MAGI2: variants seen among roughly 807,000 people sequenced by gnomAD.
MAGI2 encodes the protein membrane associated guanylate kinase, WW and PDZ domain containing 2.
Under a neutral mutation model 133.3 loss-of-function variants are expected in MAGI2, and 35 were observed. That is an observed-to-expected ratio of 0.26 (90% confidence interval 0.20 to 0.35). The LOEUF is 0.35. MAGI2 is among the 10% of genes least tolerant of loss of function. The pLI, the probability that MAGI2 is intolerant of heterozygous loss-of-function variation, is 1.00. For synonymous variants in MAGI2, 729 were observed against 710.6 expected (o/e 1.03, Z -0.41); for missense variants, 1,636 against 1,863.4 (o/e 0.88, Z 2.25).
intron 20 of MAGI2, among the ~76,000 whole-genome samples, chr7:78,119,769 G>A (rs1347027351): frequency 2.0e-5 from 3 of 152,002 alleles, no homozygotes; most frequent in Non-Finnish European, 4.4e-5. Flanking sequence ...TCTCAATTTT[G>A]CTGTGACCCT....
chr7:78,036,431 C>G (rs562629454), intron 21 of MAGI2, among the ~76,000 whole-genome samples: 2 of 152,030 alleles, frequency 1.3e-5, no homozygotes, highest in East Asian at 3.9e-4. Flanking sequence ...GGTAAAAAAA[C>G]CAGCTAACAT....
At chr7:78,213,271 A>G (rs972258133) in intron 10 of MAGI2, among the ~76,000 whole-genome samples, 8 of 152,198 alleles carry the variant, frequency 5.3e-5, no homozygotes, top group Non-Finnish European at 1.0e-4. Context: ...TCTCAGACCT[A>G]AGATTTATAC....
At chr7:79,066,498 T>G (rs2117114175) in intron 1 of MAGI2, among the ~76,000 whole-genome samples, 1 of 152,298 alleles carries the variant, frequency 6.6e-6, no homozygotes, top group African/African-American at 2.4e-5. Context: ...TGCAAACATT[T>G]TCTCCCATTC....
chr7:78,224,345 A>T (rs757312923), intron 10 of MAGI2, among the ~76,000 whole-genome samples: 30 of 152,148 alleles, frequency 2.0e-4, no homozygotes, highest in Non-Finnish European at 4.0e-4. Context: ...CTTCGTACTC[A>T]CTTAGTTTTA....
At chr7:79,427,416 T>C (rs1212914058) in intron 1 of MAGI2, among the ~76,000 whole-genome samples, 1 of 152,266 alleles carries the variant, frequency 6.6e-6, no homozygotes, top group South Asian at 2.1e-4. Flanking sequence ...AAAGATGCCA[T>C]CTATCGAAAT....
At chr7:78,116,486 G>A (rs993677477) in intron 20 of MAGI2, among the ~76,000 whole-genome samples, 1 of 152,004 alleles carries the variant, frequency 6.6e-6, no homozygotes, top group African/African-American at 2.4e-5. Context: ...AAGAATAAAA[G>A]AAAATTGAAC....
chr7:78,750,944 G>A (rs1229417471), intron 2 of MAGI2, among the ~76,000 whole-genome samples: 1 of 152,124 alleles, frequency 6.6e-6, no homozygotes, highest in Non-Finnish European at 1.5e-5. Context: ...GAATAATGAT[G>A]TATGTTACTC....
chr7:78,125,155 C>T lies in MAGI2; in HGVS notation c.3567+539G>A, dbSNP rs1437536908. Among the ~76,000 whole-genome samples, 9 of 152,252 alleles carry T rather than the reference C, an allele frequency of 5.9e-5. No homozygotes were observed. The South Asian group carries it at 8.3e-4, about 14-fold the overall frequency. On this transcript the variant is annotated intron_variant, in intron 20 of 21. Coordinates refer to ENST00000354212, the MANE Select transcript of MAGI2 (RefSeq NM_012301.4). ...CTAGGATTACCGGTGTGAGCCACCA[C>T]GCCCGGCCCCTGCTGTCATTTTTAA...
Position 79,325,524 on chromosome 7 carries a change from A to G in MAGI2, c.301+127496T>C, listed in dbSNP as rs180793082. Among the ~76,000 whole-genome samples the G allele has an allele frequency of 1.9e-3, 292 of 152,312 alleles. 1 individual carries two copies. Among genetic ancestry groups the G allele is most frequent in the African/African-American group, 6.7e-3 (279 of 41,572 alleles). On this transcript the variant is annotated intron_variant, in intron 1 of 21. Transcript: ENST00000354212. ...AGGTGTATCAGTTATGGTGCAAAGC[A>G]TGAGAGATAGGTATAAAGAAGAGTT...
intron 9 of MAGI2, among the ~76,000 whole-genome samples, chr7:78,282,730 G>T (rs1381719954): frequency 6.6e-6 from 1 of 152,006 alleles, no homozygotes; most frequent in Non-Finnish European, 1.5e-5. Flanking sequence ...AATGGTGCAG[G>T]GTGATTCAAC....
At chr7:78,786,936 T>C (rs1026387303) in intron 2 of MAGI2, among the ~76,000 whole-genome samples, 5 of 152,066 alleles carry the variant, frequency 3.3e-5, no homozygotes, top group Non-Finnish European at 7.4e-5. Flanking sequence ...TTGAAATGAA[T>C]TGAATTGTTT....
chr7:78,553,437 T>C (rs966766801), intron 3 of MAGI2, among the ~76,000 whole-genome samples: 4 of 152,246 alleles, frequency 2.6e-5, no homozygotes, highest in African/African-American at 4.8e-5. Context: ...TAAATGTAAC[T>C]GTCCTTCAGA....
intron 1 of MAGI2, among the ~76,000 whole-genome samples, chr7:79,303,340 C>A (rs1278074389): frequency 6.6e-6 from 1 of 152,104 alleles, no homozygotes; most frequent in Non-Finnish European, 1.5e-5. Context: ...CTGTAGAAAG[C>A]ATACATTCAA....
chr7:78,700,774 G>T (rs1329641691), intron 2 of MAGI2, among the ~76,000 whole-genome samples: 2 of 151,758 alleles, frequency 1.3e-5, no homozygotes, highest in Non-Finnish European at 2.9e-5. Flanking sequence ...ACCAAATTGA[G>T]GTTTATCATT....
intron 10 of MAGI2, among the ~76,000 whole-genome samples, chr7:78,214,921 C>T (rs979733518): frequency 1.2e-4 from 19 of 152,292 alleles, no homozygotes; most frequent in Middle Eastern, 3.4e-3. Context: ...TAGAACTTCC[C>T]AGGCAGAAGA....
chr7:79,244,841 G>T (rs982144620), intron 1 of MAGI2, among the ~76,000 whole-genome samples: 1 of 152,182 alleles, frequency 6.6e-6, no homozygotes, highest in South Asian at 2.1e-4. Context: ...ACAGCTCTGG[G>T]ACAGACTCCT....
At chr7:79,285,057 A>G (rs1433929237) in intron 1 of MAGI2, among the ~76,000 whole-genome samples, 1 of 152,008 alleles carries the variant, frequency 6.6e-6, no homozygotes, top group African/African-American at 2.4e-5. Flanking sequence ...AAGAACCTCT[A>G]CCATGCCCAT....
intron 3 of MAGI2, among the ~76,000 whole-genome samples, chr7:78,624,854 TG>T (rs1808166314): frequency 6.6e-6 from 1 of 152,206 alleles, no homozygotes; most frequent in Admixed American, 6.5e-5. Context: ...ACTATATTAC[TG>T]GCTTAGATAA....
intron 2 of MAGI2, among the ~76,000 whole-genome samples, chr7:78,918,631 C>T (rs945967965): frequency 6.6e-6 from 1 of 152,118 alleles, no homozygotes; most frequent in Non-Finnish European, 1.5e-5. Flanking sequence ...AACATCACCA[C>T]ACAATAGATA....
Sources: allele counts gnomAD v4.1 joint callset (sites outside exome capture counted in the v4.1 genomes callset), GRCh38; gene constraint gnomAD v4.1.1; transcripts MANE v1.5; gene names NCBI Gene and HGNC (gene_info 2026-07-23, HGNC 2026-07-21).